Variants in ANO7 observed in about 807,000 individuals in gnomAD.
ANO7 encodes anoctamin 7.
In ANO7, 114 loss-of-function variants were observed where a neutral mutation model predicts 115.8. That is an observed-to-expected ratio of 0.98 (90% CI 0.85 to 1.15). The LOEUF (loss-of-function observed/expected upper bound fraction) is 1.15. Ranked by LOEUF, ANO7 falls within the 50% of genes most tolerant of loss-of-function variation. The pLI, the probability that ANO7 is intolerant of heterozygous loss-of-function variation, is 0.00. For synonymous variants in ANO7, 550 were observed against 498.2 expected (o/e 1.10, Z -1.38); for missense variants, 1,302 against 1,201.2 (o/e 1.08, Z -1.24).
intron 15 of ANO7, 42 bp downstream of exon 15, chr2:241,210,612 C>T: frequency 1.3e-6 from 2 of 1,554,990 alleles, no homozygotes; most frequent in Non-Finnish European, 1.8e-6. Context: ...CAGGGGCCCA[C>T]CCTGCCGGCC....
At chr2:241,217,453 C>T (rs948540930) in intron 19 of ANO7, among the ~76,000 whole-genome samples, 3 of 152,262 alleles carry the variant, frequency 2.0e-5, no homozygotes, top group Non-Finnish European at 2.9e-5. Context: ...GGAGAAGGCC[C>T]GTGACCAGCC....
Position 241,198,993 on chromosome 2 carries a change from C to T in ANO7, c.310-323C>T, listed in dbSNP as rs1217887620. 1.1e-5 allele frequency: 4 copies of T among 357,308 alleles called. No individual in the cohort carries two copies. The East Asian group carries it at 1.7e-4, about 15-fold the overall frequency. The allele number at this position is 357,308 out of a possible 1,614,324, so 22.1% of individuals were successfully genotyped here. The stretch of plus-strand genomic sequence containing the variant: ...ACTGCCCCTCAAGCCAGGAGGCAGG[C>T]GTGTGTCAGCATAGTCTGGCCAGCA... On this transcript the variant is annotated intron_variant, in intron 4 of 24. Transcript: ENST00000674324.
intron 4 of ANO7, among the ~76,000 whole-genome samples, chr2:241,198,022 G>A (rs994581025): frequency 3.9e-5 from 6 of 152,172 alleles, no homozygotes; most frequent in African/African-American, 1.4e-4. Flanking sequence ...TGCTGGTGGC[G>A]TGTGTGACAG....
chr2:241,235,485 T>G, the ANO7 span: 1 of 1,609,974 alleles, frequency 6.2e-7, no homozygotes, highest in Non-Finnish European at 8.5e-7. Flanking sequence ...GGGAAAGGGG[T>G]CTACCTCAAA....
At chr2:241,209,787 C>A in intron 13 of ANO7, 152 bp downstream of exon 13, 1 of 1,217,168 alleles carries the variant, frequency 8.2e-7, no homozygotes, top group Non-Finnish European at 1.1e-6. Flanking sequence ...TGTGCCCGGG[C>A]TCGGCCGTGG....
chr2:241,194,581 T>C (rs1574758439), intron 3 of ANO7, among the ~76,000 whole-genome samples: 1 of 151,558 alleles, frequency 6.6e-6, no homozygotes, highest in Admixed American at 6.6e-5. Context: ...GCCTCCCAAA[T>C]TGCTGGGATG....
At chr2:241,214,257 G>A (rs1178939494) in intron 17 of ANO7, among the ~76,000 whole-genome samples, 1 of 152,200 alleles carries the variant, frequency 6.6e-6, no homozygotes. Context: ...TACTGAAAAC[G>A]CTCAGGGCTA....
intron 1 of ANO7, among the ~76,000 whole-genome samples, chr2:241,189,839 C>G (rs2068148074): frequency 6.6e-6 from 1 of 152,176 alleles, no homozygotes; most frequent in Non-Finnish European, 1.5e-5. Flanking sequence ...CTGCCAGACG[C>G]TCCCGCCCCG....
chr2:241,196,676 C>T (rs564225139), intron 4 of ANO7, among the ~76,000 whole-genome samples: 147 of 152,340 alleles, frequency 9.6e-4, no homozygotes, highest in Middle Eastern at 3.4e-3. Context: ...GCGGTGAGGC[C>T]CGCCCATATG....
intron 2 of ANO7, among the ~76,000 whole-genome samples, chr2:241,190,770 A>G (rs2068181480): frequency 6.6e-6 from 1 of 150,742 alleles, no homozygotes; most frequent in Non-Finnish European, 1.5e-5. Flanking sequence ...GCATCCAGAC[A>G]CTCTCGGTCG....
chr2:241,195,989 C>G lies in ANO7; in HGVS notation c.309+144C>G. 3 of 1,543,920 alleles carry G rather than the reference C, an allele frequency of 1.9e-6. No homozygotes were observed. The South Asian group carries it at 3.6e-5, about 18-fold the overall frequency. On this transcript the variant is annotated intron_variant, in intron 4 of 24. Transcript: ENST00000674324. ...AAGTCCTGCTGGACCCCCCAGCCACCGTGAGCTCCTCCGTGTGGCTAGGGA... is the reference window on the plus strand; with the variant it reads ...AAGTCCTGCTGGACCCCCCAGCCACGGTGAGCTCCTCCGTGTGGCTAGGGA...
chr2:241,218,545 G>T (rs1218336234), intron 21 of ANO7, among the ~76,000 whole-genome samples, 164 bp downstream of exon 21: 1 of 152,102 alleles, frequency 6.6e-6, no homozygotes, highest in African/African-American at 2.4e-5. Flanking sequence ...AGGGGCTGGG[G>T]GGAGGTTCCC....
At chr2:241,230,947 A>G (rs1319369638), downstream of ANO7, 2 of 1,610,258 alleles carry the variant, frequency 1.2e-6, no homozygotes, top group Non-Finnish European at 8.5e-7. The surrounding 1 kb of genome is among the most constrained non-coding windows in gnomAD (Gnocchi z 5.0). Context: ...TCCTGGGGCT[A>G]AAAAAGGAGA....
intron 21 of ANO7, among the ~76,000 whole-genome samples, chr2:241,219,978 T>G (rs2068971764): frequency 6.6e-6 from 1 of 152,230 alleles, no homozygotes; most frequent in African/African-American, 2.4e-5. Flanking sequence ...TACCACCTAG[T>G]AAGCAGCAAT....
Position 241,224,216 on chromosome 2 carries a change from T to G in ANO7, c.*63T>G. The stretch of plus-strand genomic sequence containing the variant: ...CCCCTCCTGAGCCCTGCGAGCAGCG[T>G]CCTTTTCCTCTTCCCTCAGGCAGCG... On this transcript the variant is annotated 3_prime_UTR_variant, in exon 25 of 25. Coordinates refer to ENST00000674324, the MANE Select transcript of ANO7 (RefSeq NM_001370694.2). 6.4e-7 allele frequency: 1 copy of G among 1,568,258 alleles called. No individual in the cohort carries two copies. The highest frequency in any genetic ancestry group is 8.8e-7 in the Non-Finnish European group (1 of 1,142,814).
the ANO7 span, among the ~76,000 whole-genome samples, chr2:241,239,376 CTTTT>C: frequency 3.4e-5 from 5 of 147,746 alleles, no homozygotes; most frequent in Non-Finnish European, 6.0e-5. The surrounding 1 kb of genome is among the most constrained non-coding windows in gnomAD (Gnocchi z 4.6). Context: ...TTCTCTCTCT[CTTTT>C]TTTTTTTAAG....
At chr2:241,235,656 C>T in the ANO7 span, 1 of 1,166,548 alleles carries the variant, frequency 8.6e-7, no homozygotes, top group African/African-American at 1.5e-5. Context: ...GTTGTAAGCT[C>T]AGCAATGGGG....
At chr2:241,229,677 A>G, downstream of ANO7, 2 of 1,614,126 alleles carry the variant, frequency 1.2e-6, no homozygotes, top group Non-Finnish European at 1.7e-6. Flanking sequence ...AGAGCTGCTC[A>G]TGTCAGGAGC....
At chr2:241,200,063 G>A (rs1459945817) in intron 5 of ANO7, 26 bp from the exon 6 acceptor site, 1 of 1,607,594 alleles carries the variant, frequency 6.2e-7, no homozygotes, top group Non-Finnish European at 8.5e-7. Context: ...CCGGGAGTGG[G>A]AGGAGCCACT....
Sources: gnomAD v4.1 joint callset for allele counts (sites outside exome capture counted in the v4.1 genomes callset) on GRCh38, gnomAD v4.1.1 for gene constraint, Gnocchi (gnomAD v3.1) non-coding constraint, MANE v1.5 for transcripts, NCBI Gene and HGNC (gene_info 2026-07-23, HGNC 2026-07-21) for gene names.